The following SAE1 variants were observed in gnomAD, a reference collection of about 807,000 sequenced individuals.
The protein encoded by SAE1 is SUMO1 activating enzyme subunit 1.
In SAE1, 11 loss-of-function variants were observed where a neutral mutation model predicts 40.6. That is an observed-to-expected ratio of 0.27 (90% confidence interval 0.17 to 0.45). SAE1 has a LOEUF of 0.45. Among genes scored for constraint, SAE1 ranks in the 20% least tolerant of loss-of-function variants. The pLI is 1.00. For synonymous variants in SAE1, 155 were observed against 154.3 expected, an observed-to-expected ratio of 1.00 and a Z score of -0.03; for missense variants, 373 against 427.3, an observed-to-expected ratio of 0.87 and a Z score of 1.12.
At chr19:47,143,407 C>G in intron 1 of SAE1, 87 bp from the exon 2 acceptor site, 1 of 1,160,198 alleles carries the variant, frequency 8.6e-7, no homozygotes, top group South Asian at 1.3e-5. Context: ...GCCTGGCAAA[C>G]CAAAATGATT....
At position 47,210,485 on chromosome 19, in the gene SAE1, G is replaced by GC. The variant is rs1331458842; in HGVS notation, c.*1236dup. 3 of 152,186 alleles carry GC rather than the reference G, an allele frequency of 2.0e-5. No homozygotes were observed. The highest frequency in any genetic ancestry group is 6.6e-5 in the Admixed American group (1 of 15,264). The allele number at this position is 152,186 out of a possible 1,614,324, so 9.4% of individuals were successfully genotyped here. ...AAGTGATGCTTCATATGCCCCAAGT[G>GC]CCACAGCCGCTACGGGTCAGAGCTT... is the stretch of plus-strand genomic sequence containing the variant. On this transcript the variant is annotated 3_prime_UTR_variant, in exon 9 of 9. Transcript: ENST00000270225.
intron 1 of SAE1, among the ~76,000 whole-genome samples, chr19:47,135,865 G>T (rs1342682805): frequency 1.3e-5 from 2 of 151,800 alleles, no homozygotes; most frequent in Non-Finnish European, 2.9e-5. Context: ...GTGCAGTGGC[G>T]CAGTCTTGGT....
intron 2 of SAE1, among the ~76,000 whole-genome samples, chr19:47,149,608 A>G (rs1462280911): frequency 1.3e-5 from 2 of 152,192 alleles, no homozygotes; most frequent in Non-Finnish European, 2.9e-5. Context: ...GTCATTTGTT[A>G]GCAGTTACAA....
intron 6 of SAE1, among the ~76,000 whole-genome samples, chr19:47,184,862 C>G (rs1391355380): frequency 6.6e-6 from 1 of 151,330 alleles, no homozygotes; most frequent in Non-Finnish European, 1.5e-5. Context: ...CTCACTCTGT[C>G]CCCCAGGCTG....
At chr19:47,177,810 C>T (rs1423196069) in intron 6 of SAE1, among the ~76,000 whole-genome samples, 1 of 152,034 alleles carries the variant, frequency 6.6e-6, no homozygotes, top group African/African-American at 2.4e-5. Flanking sequence ...CTGTATTTCT[C>T]GGAACAGGTA....
At chr19:47,185,747 G>A (rs2058539981) in intron 6 of SAE1, among the ~76,000 whole-genome samples, 1 of 151,586 alleles carries the variant, frequency 6.6e-6, no homozygotes. Flanking sequence ...GATTACAGAC[G>A]TGTGCCACCA....
At chr19:47,183,762 C>G (rs1022703876) in intron 6 of SAE1, among the ~76,000 whole-genome samples, 1 of 152,180 alleles carries the variant, frequency 6.6e-6, no homozygotes, top group Non-Finnish European at 1.5e-5. Context: ...ACGGGAATGT[C>G]CTGTGCCATC....
At chr19:47,198,186 C>T (rs2058628415) in intron 7 of SAE1, among the ~76,000 whole-genome samples, 1 of 152,002 alleles carries the variant, frequency 6.6e-6, no homozygotes, top group South Asian at 2.1e-4. Context: ...CTCAACTCAC[C>T]GCAACTTCTG....
intron 6 of SAE1, among the ~76,000 whole-genome samples, chr19:47,187,213 C>T (rs1431290274): frequency 2.6e-5 from 4 of 152,094 alleles, no homozygotes; most frequent in African/African-American, 9.7e-5. Flanking sequence ...GAGTGGCTTC[C>T]GTGAAGTGTC....
intron 5 of SAE1, among the ~76,000 whole-genome samples, chr19:47,167,550 A>C (rs1388731199): frequency 6.6e-6 from 1 of 152,068 alleles, no homozygotes; most frequent in Non-Finnish European, 1.5e-5. Context: ...AACAATTTGA[A>C]CTTTTATCTG....
intron 2 of SAE1, among the ~76,000 whole-genome samples, chr19:47,146,609 C>T (rs1468339508): frequency 6.6e-6 from 1 of 152,166 alleles, no homozygotes; most frequent in African/African-American, 2.4e-5. Flanking sequence ...CCTCACAACA[C>T]ATCTGAGATC....
chr19:47,166,308 A>T (rs1345040790), intron 5 of SAE1, among the ~76,000 whole-genome samples: 1 of 152,192 alleles, frequency 6.6e-6, no homozygotes, highest in Non-Finnish European at 1.5e-5. Flanking sequence ...ATGTGCCTTA[A>T]TCTGGCACAG....
intron 6 of SAE1, among the ~76,000 whole-genome samples, chr19:47,190,481 C>T (rs1217328086): frequency 6.6e-6 from 1 of 152,178 alleles, no homozygotes; most frequent in African/African-American, 2.4e-5. Flanking sequence ...CTGCCCCCCT[C>T]CACTGCTGCT....
chr19:47,187,281 G>A (rs184537375), intron 6 of SAE1, among the ~76,000 whole-genome samples: 2 of 152,292 alleles, frequency 1.3e-5, no homozygotes, highest in Admixed American at 6.5e-5. Flanking sequence ...CCTATGGACT[G>A]TTCTGCACCC....
At chr19:47,151,353 G>T (rs1221661964) in intron 3 of SAE1, among the ~76,000 whole-genome samples, 1 of 152,076 alleles carries the variant, frequency 6.6e-6, no homozygotes, top group Non-Finnish European at 1.5e-5. Context: ...GTTTCACCAT[G>T]TTGGTCAGGC....
intron 6 of SAE1, among the ~76,000 whole-genome samples, chr19:47,189,178 T>C (rs2058563270): frequency 6.6e-6 from 1 of 152,186 alleles, no homozygotes; most frequent in Non-Finnish European, 1.5e-5. Flanking sequence ...ACTACCATAC[T>C]TTGCAATTTT....
rs749537833 is a variant in SAE1, at chr19:47,209,358, T to C, written c.*107T>C. On this transcript the variant is annotated 3_prime_UTR_variant, in exon 9 of 9. Transcript: ENST00000270225. The stretch of plus-strand genomic sequence containing the variant: ...TCCAGGCAAGGAAAACTGAAGTCAT[T>C]GGCCCGATACAAAACATTTCCTGCA... 1 of 1,583,982 alleles carries C rather than the reference T, an allele frequency of 6.3e-7. No individual in the cohort carries two copies. Among genetic ancestry groups the C allele is most frequent in the Non-Finnish European group, 8.6e-7 (1 of 1,160,748 alleles).
rs186289 is a variant in SAE1, at chr19:47,172,043, C to T, written c.733+2120C>T. 3.9e-5 allele frequency among the ~76,000 whole-genome samples: 6 copies of T among 151,910 alleles called. No homozygotes were observed. The South Asian group carries it at 8.3e-4, about 21-fold the overall frequency. On this transcript the variant is annotated intron_variant, in intron 6 of 8. Coordinates refer to ENST00000270225, the MANE Select transcript of SAE1 (RefSeq NM_005500.3). ...AAACAGTTTCCCCGCCTCAGCCTCCCGAGTAGCTGGGATTACAGGTGCCCA... is the reference window on the plus strand; with the variant it reads ...AAACAGTTTCCCCGCCTCAGCCTCCTGAGTAGCTGGGATTACAGGTGCCCA...
At chr19:47,198,452 C>G (rs904865071) in intron 7 of SAE1, among the ~76,000 whole-genome samples, 2 of 152,120 alleles carry the variant, frequency 1.3e-5, no homozygotes, top group African/African-American at 4.8e-5. Context: ...CATGTACACA[C>G]CCTAATTCCC....
Sources: gnomAD v4.1 joint callset for allele counts (sites outside exome capture counted in the v4.1 genomes callset) on GRCh38, gnomAD v4.1.1 for gene constraint, MANE v1.5 for transcripts, NCBI Gene and HGNC (gene_info 2026-07-23, HGNC 2026-07-21) for gene names.